The following GIT1 variants were observed in gnomAD, a reference collection of about 807,000 sequenced individuals.
GIT1 encodes GIT ArfGAP 1, also known as ARF GTPase-activating protein GIT1.
In GIT1, 14 loss-of-function variants were observed where a neutral mutation model predicts 91.7. The observed-to-expected ratio is 0.15, with a 90% CI of 0.10 to 0.24. GIT1 has a LOEUF of 0.24. Ranked by LOEUF, GIT1 falls within the 10% of genes least tolerant of loss-of-function variation. The pLI, the probability that GIT1 is intolerant of heterozygous loss-of-function variation, is 1.00. For synonymous variants in GIT1, 414 were observed against 418.2 expected (o/e 0.99, Z 0.12); for missense variants, 717 against 1,024.9 (o/e 0.70, Z 4.10).
intron 9 of GIT1, 77 bp from the exon 10 acceptor site, chr17:29,577,819 G>A (rs562579437): frequency 1.4e-5 from 12 of 866,118 alleles, no homozygotes; most frequent in Non-Finnish European, 2.4e-5. Flanking sequence ...ACTGAGCCCA[G>A]CCTTCCTAGC....
At chr17:29,577,916 C>G (rs539040017) in intron 9 of GIT1, among the ~76,000 whole-genome samples, 174 bp from the exon 10 acceptor site, 1 of 152,232 alleles carries the variant, frequency 6.6e-6, no homozygotes, top group Non-Finnish European at 1.5e-5. Flanking sequence ...CAAGGCTGGG[C>G]GTGGCCGGCT....
Position 29,581,500 on chromosome 17 carries a change from G to T in GIT1, c.719-120C>A. On this transcript the variant is annotated intron_variant, in intron 6 of 19. Coordinates refer to ENST00000225394, the MANE Select transcript of GIT1 (RefSeq NM_014030.4). The surrounding 1 kb of genome is among the most constrained non-coding windows in gnomAD (Gnocchi z 4.8). ...AGAAGTGTCAGGGGAAAGTGGGGAGGGCAGGCCACCCCCAAGAATGCTGGG... is the reference window on the plus strand; with the variant it reads ...AGAAGTGTCAGGGGAAAGTGGGGAGTGCAGGCCACCCCCAAGAATGCTGGG... The T allele has an allele frequency of 2.4e-6, 2 of 844,264 alleles. No individual in the cohort carries two copies. The highest frequency in any genetic ancestry group is 1.4e-5 in the South Asian group (1 of 71,760). 52.3% of individuals were successfully genotyped at this position (844,264 alleles called of 1,614,324 possible).
rs750544170 is a variant in GIT1 at position 29,575,916 on chromosome 17, G to A, written c.1666-18C>T. The A allele has an allele frequency of 3.8e-6, 6 of 1,591,224 alleles. No individual in the cohort carries two copies. The highest frequency in any genetic ancestry group is 2.2e-5 in the South Asian group (2 of 89,252). ...TTCCGGATCTGAAACCCAGGGCAGC[G>A]CTGGATGGAGTCAGTGTGCCCCACT... On this transcript the variant is annotated intron_variant, in intron 15 of 19. Coordinates refer to ENST00000225394, the MANE Select transcript of GIT1 (RefSeq NM_014030.4). This position sits in a 1 kb window ranked among gnomAD's most constrained non-coding sequence, Gnocchi z 5.5.
chr17:29,582,203 A>G, intron 4 of GIT1, 59 bp from the exon 5 acceptor site: 1 of 1,295,860 alleles, frequency 7.7e-7, no homozygotes, highest in Non-Finnish European at 1.1e-6. Flanking sequence ...CTCCCCACCC[A>G]CAAGCTGCAC....
In GIT1 at chr17:29,583,605, C is replaced by T; in HGVS notation, c.64G>A (p.Ala22Thr). The change falls in exon 2 of 20, where the codon GCA becomes ACA. Residue 22 changes from alanine to threonine, a missense_variant. Transcript: ENST00000225394. The part of the protein sequence containing the change: ...ADCSAPDPGW[A>T]SISRGVLVCD... ...ACCAGCACACCCCTGCTGATGGATGCCCAGCCAGGGTCTGCCAGGGTGAGG... is the reference window on the plus strand; with the variant it reads ...ACCAGCACACCCCTGCTGATGGATGTCCAGCCAGGGTCTGCCAGGGTGAGG... 2 of 1,593,564 alleles carry T rather than the reference C, an allele frequency of 1.3e-6. No individual in the cohort carries two copies. Among genetic ancestry groups the T allele is most frequent in the South Asian group, 1.1e-5 (1 of 88,298 alleles).
chr17:29,583,706 C>T (rs933005018), intron 1 of GIT1, 90 bp from the exon 2 acceptor site: 4 of 1,368,298 alleles, frequency 2.9e-6, no homozygotes, highest in East Asian at 5.0e-5. Context: ...GCCTAGTACT[C>T]TCCACACATT....
rs2033063197 is a variant in GIT1, at chr17:29,573,508, A to G, written c.*1194T>C. The G allele has an allele frequency of 1.3e-5, 2 of 152,614 alleles. No homozygotes were observed. Among genetic ancestry groups the G allele is most frequent in the Non-Finnish European group, 2.9e-5 (2 of 68,110 alleles). The allele number at this position is 152,614 out of a possible 1,614,324, so 9.5% of individuals were successfully genotyped here. A position where few individuals can be genotyped will look rare whatever the true frequency, so the allele number is the denominator to read the frequency against. On this transcript the variant is annotated 3_prime_UTR_variant, in exon 20 of 20. Coordinates refer to ENST00000225394, the MANE Select transcript of GIT1 (RefSeq NM_014030.4). ...ACTTCTTTATTTTTGATACAAATGT[A>G]CATGACACGTCTTGACAGCCCACCC...
rs1236908876 is a variant in GIT1 at position 29,577,235 on chromosome 17, G to A, written c.994C>T (p.Leu332=). 3 of 1,613,596 alleles carry A rather than the reference G, an allele frequency of 1.9e-6. No individual in the cohort carries two copies. In the African/African-American group the frequency reaches 4.0e-5, roughly 22 times the overall value. Residue 332 remains leucine (L), a synonymous_variant, in exon 11 of 20, where the codon CTG becomes TTG. Transcript: ENST00000225394. The part of the protein sequence containing the change: ...SATRNQGRQK[L]ARFNAREFAT... ...AACTCTCGGGCATTAAAGCGGGCCA[G>A]CTTTTGTCGCCCCTGCAAGGCAGAA... is the stretch of plus-strand genomic sequence containing the variant.
Position 29,581,875 on chromosome 17 carries a change from C to T in GIT1, c.624-39G>A. ...GTATGGCTCAGACCTGCAGCAGCAG[C>T]CCTCACCCACACCCCCACCCACCCA... On this transcript the variant is annotated intron_variant, in intron 5 of 19. Transcript: ENST00000225394. This position sits in a 1 kb window ranked among gnomAD's most constrained non-coding sequence, Gnocchi z 4.8. The T allele has an allele frequency of 1.2e-6, 2 of 1,607,292 alleles. No homozygotes were observed. Among genetic ancestry groups the T allele is most frequent in the South Asian group, 1.1e-5 (1 of 90,970 alleles).
At position 29,589,369 on chromosome 17, in the gene GIT1, T is replaced by C; in HGVS notation, c.10A>G (p.Lys4Glu). Residue 4 changes from lysine to glutamate, a missense_variant, in exon 1 of 20, where the codon AAG (lysine) becomes GAG (glutamate). By Grantham distance (56) the Lys-to-Glu change is moderately conservative. Coordinates refer to ENST00000225394, the MANE Select transcript of GIT1 (RefSeq NM_014030.4). This position sits in a 1 kb window ranked among gnomAD's most constrained non-coding sequence, Gnocchi z 5.2. MSRKGPRAEVCADC... is the reference protein window; with the variant it reads MSREGPRAEVCADC... ...GCACACACCTCCGCTCGCGGCCCCT[T>C]TCGGGACATCCTCAGCGGCGACGCG... 1 of 1,079,008 alleles carries C rather than the reference T, an allele frequency of 9.3e-7. No homozygotes were observed. Among genetic ancestry groups the C allele is most frequent in the Non-Finnish European group, 1.1e-6 (1 of 880,710 alleles). The allele number at this position is 1,079,008 out of a possible 1,614,324, so 66.8% of individuals were successfully genotyped here. A position where few individuals can be genotyped will look rare whatever the true frequency, so the allele number is the denominator to read the frequency against.
At chr17:29,578,247 T>G in intron 9 of GIT1, 52 bp downstream of exon 9, 1 of 1,437,692 alleles carries the variant, frequency 7.0e-7, no homozygotes, top group African/African-American at 1.4e-5. Context: ...CAGAGACCCA[T>G]GCCTGGGCCG....
intron 15 of GIT1, 55 bp downstream of exon 15, chr17:29,576,023 C>A: frequency 6.3e-7 from 1 of 1,579,034 alleles, no homozygotes; most frequent in African/African-American, 1.3e-5. Flanking sequence ...GAGCCCAGAA[C>A]CCCCTGGGGC....
chr17:29,575,261 C>A lies in GIT1; in HGVS notation c.2009+27G>T, dbSNP rs1371027651. ...CCTAGAAGCCAACAGGAACTGCATC[C>A]CCCTCACCTCCCCCTCCACTCAGTA... On this transcript the variant is annotated intron_variant, in intron 18 of 19. Coordinates refer to ENST00000225394, the MANE Select transcript of GIT1 (RefSeq NM_014030.4). The surrounding 1 kb of genome is among the most constrained non-coding windows in gnomAD (Gnocchi z 5.5). 6.3e-7 allele frequency: 1 copy of A among 1,592,846 alleles called. No homozygotes were observed. Among genetic ancestry groups the A allele is most frequent in the African/African-American group, 1.3e-5 (1 of 74,608 alleles).
intron 1 of GIT1, among the ~76,000 whole-genome samples, chr17:29,584,152 A>T (rs1222717410): frequency 2.0e-5 from 3 of 152,188 alleles, no homozygotes; most frequent in East Asian, 1.9e-4. Flanking sequence ...CCTCTTAAGG[A>T]AGATGGACAG....
In GIT1 at chr17:29,581,530, C is replaced by T. The variant is rs1419578741; in HGVS notation, c.719-150G>A. On this transcript the variant is annotated intron_variant, in intron 6 of 19. Transcript: ENST00000225394. The surrounding 1 kb of genome is among the most constrained non-coding windows in gnomAD (Gnocchi z 4.8). ...GCCACCCCCAAGAATGCTGGGAGCT[C>T]GTGGGAGGATGCAGGATGCCCACCC... The T allele has an allele frequency of 1.2e-5, 9 of 733,700 alleles. No homozygotes were observed. The highest frequency in any genetic ancestry group is 1.7e-5 in the Non-Finnish European group (7 of 417,654). 45.4% of individuals were successfully genotyped at this position (733,700 alleles called of 1,614,324 possible). A position where few individuals can be genotyped will look rare whatever the true frequency, so the allele number is the denominator to read the frequency against.
intron 9 of GIT1, 39 bp downstream of exon 9, chr17:29,578,260 C>A (rs529810834): frequency 6.5e-7 from 1 of 1,542,436 alleles, no homozygotes; most frequent in East Asian, 2.2e-5. Context: ...CTGGGCCGCT[C>A]GGGTCCTCCA....
rs142006255 is a variant in GIT1, at chr17:29,581,917, C to T, written c.623+10G>A. ...ACCCACCCACACTGCACCCTTCAGCCGACCCTCACCTGGCATAGTCAATGG... is the reference window on the plus strand; with the variant it reads ...ACCCACCCACACTGCACCCTTCAGCTGACCCTCACCTGGCATAGTCAATGG... On this transcript the variant is annotated intron_variant, in intron 5 of 19. Coordinates refer to ENST00000225394, the MANE Select transcript of GIT1 (RefSeq NM_014030.4). The surrounding 1 kb of genome is among the most constrained non-coding windows in gnomAD (Gnocchi z 4.8). 1.2e-5 allele frequency: 19 copies of T among 1,612,502 alleles called. No homozygotes were observed. Among genetic ancestry groups the T allele is most frequent in the South Asian group, 3.3e-5 (3 of 91,078 alleles).
intron 7 of GIT1, among the ~76,000 whole-genome samples, chr17:29,580,538 T>A (rs931732711): frequency 6.6e-6 from 1 of 152,038 alleles, no homozygotes; most frequent in Admixed American, 6.5e-5. Flanking sequence ...GCAGGGGGTG[T>A]CCCACACTGC....
Position 29,582,748 on chromosome 17 carries a change from T to G in GIT1, c.355A>C (p.Lys119Gln). ...AKYQMLAFVH[K>Q]LPCRDDDGVT... ...CCATCATCGTCCCGGCAGGGAAGCTTGTGCACAAATGCCAGCATCTGGTAC... is the reference window on the plus strand; with the variant it reads ...CCATCATCGTCCCGGCAGGGAAGCTGGTGCACAAATGCCAGCATCTGGTAC... Residue 119 changes from lysine to glutamine, a missense_variant, in exon 4 of 20, where the codon AAG becomes CAG. Transcript: ENST00000225394. The G allele has an allele frequency of 1.2e-6, 2 of 1,613,770 alleles. No homozygotes were observed. The highest frequency in any genetic ancestry group is 8.5e-7 in the Non-Finnish European group (1 of 1,179,994).
Sources: allele counts gnomAD v4.1 joint callset (sites outside exome capture counted in the v4.1 genomes callset), GRCh38; gene constraint gnomAD v4.1.1; non-coding constraint Gnocchi (gnomAD v3.1); transcripts MANE v1.5; gene names NCBI Gene and HGNC (gene_info 2026-07-23, HGNC 2026-07-21).